LRRC4C: variants seen among roughly 807,000 people sequenced by gnomAD.
LRRC4C encodes the protein leucine-rich repeat-containing protein 4C.
Under a neutral mutation model 33.6 loss-of-function variants are expected in LRRC4C, and 5 were observed. That is an observed-to-expected ratio of 0.15 (90% CI 0.08 to 0.31). The LOEUF (loss-of-function observed/expected upper bound fraction) is 0.31, where lower values mean the gene tolerates loss of function less well. Ranked by LOEUF, LRRC4C falls within the 10% of genes least tolerant of loss-of-function variation. The pLI, the probability that LRRC4C is intolerant of heterozygous loss-of-function variation, is 1.00. For missense variants in LRRC4C, 560 were observed against 796.7 expected (o/e 0.70, Z 3.58); for synonymous variants, 329 against 302.0 (o/e 1.09, Z -0.93).
intron 1 of LRRC4C, among the ~76,000 whole-genome samples, chr11:41,241,534 G>A (rs967836342): frequency 3.9e-5 from 6 of 152,072 alleles, no homozygotes; most frequent in African/African-American, 1.4e-4. Flanking sequence ...AAATTTGAAG[G>A]CAAAAAATGA....
intron 3 of LRRC4C, among the ~76,000 whole-genome samples, chr11:40,363,950 A>G (rs1948085364): frequency 6.6e-6 from 1 of 152,194 alleles, no homozygotes; most frequent in Non-Finnish European, 1.5e-5. Flanking sequence ...TGCTTACACC[A>G]GAAGAAACAT....
Position 40,571,010 on chromosome 11 carries a change from A to T in LRRC4C, c.-270+77132T>A, listed in dbSNP as rs180910670. Among the ~76,000 whole-genome samples the T allele has an allele frequency of 6.6e-5, 10 of 152,280 alleles. No individual in the cohort carries two copies. The East Asian group carries it at 1.7e-3, about 26-fold the overall frequency. ...TTTTTTACTGATGCAAAACTATATC[A>T]TGAAACTATCAATATAAGTTCTGAG... is the stretch of plus-strand genomic sequence containing the variant. On this transcript the variant is annotated intron_variant, in intron 3 of 6. Coordinates refer to ENST00000528697, the MANE Select transcript of LRRC4C (RefSeq NM_001258419.2).
intron 1 of LRRC4C, among the ~76,000 whole-genome samples, chr11:41,334,495 A>T (rs549866181): frequency 2.6e-4 from 40 of 152,156 alleles, no homozygotes; most frequent in African/African-American, 9.2e-4. Flanking sequence ...GGCAGGTGTT[A>T]GATGTCTGGT....
At chr11:41,251,064 C>T (rs569032668) in intron 1 of LRRC4C, among the ~76,000 whole-genome samples, 1 of 152,212 alleles carries the variant, frequency 6.6e-6, no homozygotes, top group Admixed American at 6.5e-5. Context: ...TTTTACTTTA[C>T]ACTCAACCAA....
At chr11:41,267,958 A>G (rs1433183291) in intron 1 of LRRC4C, among the ~76,000 whole-genome samples, 1 of 152,114 alleles carries the variant, frequency 6.6e-6, no homozygotes, top group Non-Finnish European at 1.5e-5. Context: ...CACTTTGAGT[A>G]CCCTGCTTAC....
At chr11:40,224,712 C>T (rs7929713) in intron 5 of LRRC4C, among the ~76,000 whole-genome samples, 113,304 of 152,088 alleles carry the variant, frequency 0.74, 46,146 homozygotes, top group East Asian at 0.96. Flanking sequence ...GCTTAGCCTG[C>T]ATGGAGAACA....
At chr11:40,806,015 C>T (rs369713282) in intron 2 of LRRC4C, among the ~76,000 whole-genome samples, 1 of 152,100 alleles carries the variant, frequency 6.6e-6, no homozygotes, top group Non-Finnish European at 1.5e-5. Context: ...CCAAATGGCC[C>T]CTAATGTCCC....
intron 1 of LRRC4C, among the ~76,000 whole-genome samples, chr11:41,363,829 A>G (rs1258431299): frequency 6.6e-6 from 1 of 152,208 alleles, no homozygotes; most frequent in Non-Finnish European, 1.5e-5. Context: ...TATCTATTAC[A>G]GAATGGATTG....
At chr11:40,984,371 G>T (rs1179785469) in intron 1 of LRRC4C, among the ~76,000 whole-genome samples, 1 of 56,052 alleles carries the variant, frequency 1.8e-5, no homozygotes, top group African/African-American at 6.0e-5. Flanking sequence ...AAAAAAGAAA[G>T]AAAGAAAGAA....
chr11:40,186,373 C>T (rs4075903), intron 5 of LRRC4C, among the ~76,000 whole-genome samples: 61,737 of 151,948 alleles, frequency 0.41, 13,281 homozygotes, highest in South Asian at 0.54. Flanking sequence ...GGAAGAAGAC[C>T]GAGACAGATA....
chr11:40,181,700 C>A (rs2135524588), intron 5 of LRRC4C, among the ~76,000 whole-genome samples: 1 of 152,304 alleles, frequency 6.6e-6, no homozygotes, highest in African/African-American at 2.4e-5. Flanking sequence ...GTTAGCAAAT[C>A]CATTTCTGGT....
intron 1 of LRRC4C, among the ~76,000 whole-genome samples, chr11:41,000,780 T>C (rs1360848514): frequency 6.6e-6 from 1 of 152,188 alleles, no homozygotes; most frequent in East Asian, 1.9e-4. Flanking sequence ...GATATTATAT[T>C]TAAAATGGAC....
At chr11:40,150,205 G>T (rs190478249) in intron 5 of LRRC4C, among the ~76,000 whole-genome samples, 1 of 152,120 alleles carries the variant, frequency 6.6e-6, no homozygotes, top group Admixed American at 6.5e-5. Context: ...TTGTATTTGG[G>T]GTCCACCTGG....
intron 1 of LRRC4C, among the ~76,000 whole-genome samples, chr11:41,341,915 TA>T (rs1361777913): frequency 6.6e-6 from 1 of 152,192 alleles, no homozygotes; most frequent in Non-Finnish European, 1.5e-5. Flanking sequence ...CTTACCATAA[TA>T]AAAGGCATTG....
chr11:40,731,482 G>A (rs1456952419), intron 2 of LRRC4C, among the ~76,000 whole-genome samples: 5 of 152,066 alleles, frequency 3.3e-5, no homozygotes, highest in Non-Finnish European at 7.4e-5. Context: ...TACCATGCTT[G>A]TACAGCCTAC....
At chr11:40,185,033 A>G (rs1219643551) in intron 5 of LRRC4C, among the ~76,000 whole-genome samples, 1 of 152,232 alleles carries the variant, frequency 6.6e-6, no homozygotes, top group African/African-American at 2.4e-5. Flanking sequence ...AAGGGAAACC[A>G]TCAGTAAGAA....
At chr11:40,286,558 A>T (rs1299844828) in intron 4 of LRRC4C, among the ~76,000 whole-genome samples, 2 of 152,186 alleles carry the variant, frequency 1.3e-5, no homozygotes, top group African/African-American at 4.8e-5. Context: ...ATCTTTATTT[A>T]TATGCTCCAT....
At chr11:40,743,475 G>A (rs1020444354) in intron 2 of LRRC4C, among the ~76,000 whole-genome samples, 1 of 151,996 alleles carries the variant, frequency 6.6e-6, no homozygotes, top group Non-Finnish European at 1.5e-5. Context: ...AAAACGTAGG[G>A]GAAAATCTCT....
Position 40,940,974 on chromosome 11 carries a change from C to A in LRRC4C, c.-495-7251G>T, listed in dbSNP as rs569727254. On this transcript the variant is annotated intron_variant, in intron 1 of 6. Transcript: ENST00000528697. ...AGTTCTGATGGCACAAGAATGATCA[C>A]GTAATACATTCAGAAGATAATATAT... is the stretch of plus-strand genomic sequence containing the variant. Among the ~76,000 whole-genome samples, 6 of 147,598 alleles carry A rather than the reference C, an allele frequency of 4.1e-5. No homozygotes were observed. In the East Asian group the frequency reaches 6.0e-4, roughly 15 times the overall value.
Sources: allele counts gnomAD v4.1 joint callset (sites outside exome capture counted in the v4.1 genomes callset), GRCh38; gene constraint gnomAD v4.1.1; transcripts MANE v1.5; gene names NCBI Gene and HGNC (gene_info 2026-07-23, HGNC 2026-07-21).